The following ESAM variants were observed in gnomAD, a reference collection of about 807,000 sequenced individuals.
The protein encoded by ESAM is endothelial cell-selective adhesion molecule.
In ESAM, 23 loss-of-function variants were observed where a neutral mutation model predicts 31.8. That is an observed-to-expected ratio of 0.72 (90% CI 0.52 to 1.03). The LOEUF (loss-of-function observed/expected upper bound fraction) is 1.03, where lower values mean the gene tolerates loss of function less well. Ranked by LOEUF, ESAM falls within the 50% of genes least tolerant of loss-of-function variation. The pLI is 0.00. For missense variants in ESAM, 478 were observed against 488.9 expected, an observed-to-expected ratio of 0.98 and a Z score of 0.21; for synonymous variants, 216 against 207.2, an observed-to-expected ratio of 1.04 and a Z score of -0.37.
Position 124,758,539 on chromosome 11 carries a change from AG to A in ESAM, c.71-13del. 1.3e-6 allele frequency: 2 copies of A among 1,524,522 alleles called. No individual in the cohort carries two copies. The highest frequency in any genetic ancestry group is 1.8e-6 in the Non-Finnish European group (2 of 1,135,974). 94.4% of individuals were successfully genotyped at this position (1,524,522 alleles called of 1,614,324 possible). A position where few individuals can be genotyped will look rare whatever the true frequency, so the allele number is the denominator to read the frequency against. On this transcript the variant is annotated splice_polypyrimidine_tract_variant and intron_variant, in intron 1 of 6. Transcript: ENST00000278927. ...CCGCGAGGGGGGCGCTGGAGACAAG[AG>A]CGAGGCGTGAGTGCCCAGGACCGGC... is the stretch of plus-strand genomic sequence containing the variant.
At chr11:124,757,693 CTTTTT>C (rs5795429) in intron 2 of ESAM, among the ~76,000 whole-genome samples, 2 of 125,004 alleles carry the variant, frequency 1.6e-5, no homozygotes, top group Non-Finnish European at 1.7e-5. Context: ...AATATGCTAA[CTTTTT>C]TTTTTTTTTT....
Position 124,756,287 on chromosome 11 carries a change from G to T in ESAM, c.527C>A (p.Ser176Tyr), listed in dbSNP as rs1591428880. The T allele has an allele frequency of 6.2e-7, 1 of 1,613,964 alleles. No individual in the cohort carries two copies. Among genetic ancestry groups the T allele is most frequent in the South Asian group, 1.1e-5 (1 of 91,008 alleles). Reference protein sequence around the residue: ...VGANVTLSCQSPRSKPAVQYQ... With the variant: ...VGANVTLSCQYPRSKPAVQYQ... ...TTGGACAGCGGGCTTACTCCTTGGA[G>T]ACTGGCAGCTCAGGGTCACGTTTGC... The change falls in exon 4 of 7, where the codon TCT becomes TAT. Residue 176 changes from serine (S) to tyrosine (Y), a missense_variant. By Grantham distance (144) the Ser-to-Tyr change is moderately radical. Transcript: ENST00000278927.
intron 2 of ESAM, 197 bp from the exon 3 acceptor site, chr11:124,756,939 AGTTCTTC>A: frequency 3.3e-6 from 2 of 597,836 alleles, no homozygotes; most frequent in South Asian, 3.9e-5. Context: ...TCACCAGAAC[AGTTCTTC>A]GTTCCTGCGC....
rs773729066 is a variant in ESAM, at chr11:124,754,705, A to T, written c.666T>A (p.Tyr222Ter). ...TNLSSSMAGV[Y>*]VCKAHNEVGT... ...CCACCTCATTGTGGGCCTTGCAGACATAGACTCCAGCCATGGAAGACGAAA... is the reference window on the plus strand; with the variant it reads ...CCACCTCATTGTGGGCCTTGCAGACTTAGACTCCAGCCATGGAAGACGAAA... Residue 222 changes from tyrosine to a stop codon, truncating the protein, a stop_gained, in exon 5 of 7, where the codon TAT becomes TAA. Coordinates refer to ENST00000278927, the MANE Select transcript of ESAM (RefSeq NM_138961.3). LOFTEE classifies it high-confidence loss of function. The surrounding 1 kb of genome is among the most constrained non-coding windows in gnomAD (Gnocchi z 4.5). The T allele has an allele frequency of 1.2e-6, 2 of 1,614,104 alleles. No homozygotes were observed. Among genetic ancestry groups the T allele is most frequent in the East Asian group, 4.5e-5 (2 of 44,874 alleles).
chr11:124,754,785 C>G lies in ESAM; in HGVS notation c.608-22G>C. On this transcript the variant is annotated intron_variant, in intron 4 of 6. Coordinates refer to ENST00000278927, the MANE Select transcript of ESAM (RefSeq NM_138961.3). This position sits in a 1 kb window ranked among gnomAD's most constrained non-coding sequence, Gnocchi z 4.5. ...ACATCTGTGGACACAATTTAGCCAT[C>G]AGTCCAGGGACCCTCTTTCCCATTA... The G allele has an allele frequency of 6.2e-7, 1 of 1,601,910 alleles. No individual in the cohort carries two copies. Among genetic ancestry groups the G allele is most frequent in the Non-Finnish European group, 8.5e-7 (1 of 1,175,590 alleles).
At position 124,762,286 on chromosome 11, in the gene ESAM, A is replaced by G. The variant is rs1389338209; in HGVS notation, c.-132T>C. 2 of 631,026 alleles carry G rather than the reference A, an allele frequency of 3.2e-6. No homozygotes were observed. Among genetic ancestry groups the G allele is most frequent in the African/African-American group, 3.9e-5 (2 of 50,654 alleles). 39.1% of individuals were successfully genotyped at this position (631,026 alleles called of 1,614,324 possible). The stretch of plus-strand genomic sequence containing the variant: ...TGACACCCAGGGCGGCTCCAGCCCA[A>G]GTCTGCGCGCCTGTGTGCCGGTGGC... On this transcript the variant is annotated 5_prime_UTR_variant, in exon 1 of 7. Coordinates refer to ENST00000278927, the MANE Select transcript of ESAM (RefSeq NM_138961.3). This position sits in a 1 kb window ranked among gnomAD's most constrained non-coding sequence, Gnocchi z 6.4.
chr11:124,753,942 G>A lies in ESAM; in HGVS notation c.877C>T (p.Arg293Trp), dbSNP rs760488150. 1.6e-5 allele frequency: 26 copies of A among 1,613,396 alleles called. No individual in the cohort carries two copies. Among genetic ancestry groups the A allele is most frequent in the South Asian group, 4.4e-5 (4 of 90,912 alleles). The change falls in exon 7 of 7, where the codon CGG becomes TGG. Residue 293 changes from arginine (R) to tryptophan (W), a missense_variant. By Grantham distance (101) the Arg-to-Trp change is moderately radical. Coordinates refer to ENST00000278927, the MANE Select transcript of ESAM (RefSeq NM_138961.3). ...NDIKEDAIAPRTLPWPKSSDT... is the reference protein window; with the variant it reads ...NDIKEDAIAPWTLPWPKSSDT... ...GAGCTCTTGGGCCAGGGCAGGGTCCGGGGAGCAATGGCATCCTCCCTAGTC... is the reference window on the plus strand; with the variant it reads ...GAGCTCTTGGGCCAGGGCAGGGTCCAGGGAGCAATGGCATCCTCCCTAGTC...
chr11:124,753,941 C>G lies in ESAM; in HGVS notation c.878G>C (p.Arg293Pro), dbSNP rs759294805. Residue 293 changes from arginine to proline, a missense_variant, in exon 7 of 7, where the codon CGG (arginine) becomes CCG (proline). By Grantham distance (103) the Arg-to-Pro change is moderately radical. Coordinates refer to ENST00000278927, the MANE Select transcript of ESAM (RefSeq NM_138961.3). ...NDIKEDAIAP[R>P]TLPWPKSSDT... Reference sequence around the variant, plus strand: ...TGAGCTCTTGGGCCAGGGCAGGGTCCGGGGAGCAATGGCATCCTCCCTAGT... The same window carrying G: ...TGAGCTCTTGGGCCAGGGCAGGGTCGGGGGAGCAATGGCATCCTCCCTAGT... The G allele has an allele frequency of 1.2e-6, 2 of 1,613,588 alleles. No homozygotes were observed. The highest frequency in any genetic ancestry group is 1.7e-6 in the Non-Finnish European group (2 of 1,179,928).
chr11:124,754,017 G>GT lies in ESAM; in HGVS notation c.858-57dup, dbSNP rs1250033320. 1.8e-4 allele frequency: 287 copies of GT among 1,585,504 alleles called. 3 individuals carry two copies. The South Asian group carries it at 2.7e-3, about 15-fold the overall frequency. ...AAGTGGGTGGGGGAAGGAGGAGAGA[G>GT]TTTCTACCTGCTTGGTCTTATATAC... is the stretch of plus-strand genomic sequence containing the variant. On this transcript the variant is annotated intron_variant, in intron 6 of 6. Coordinates refer to ENST00000278927, the MANE Select transcript of ESAM (RefSeq NM_138961.3). The surrounding 1 kb of genome is among the most constrained non-coding windows in gnomAD (Gnocchi z 4.5).
rs749643399 is a variant in ESAM, at chr11:124,754,430, T to C, written c.731-90A>G. 4 of 1,537,666 alleles carry C rather than the reference T, an allele frequency of 2.6e-6. No individual in the cohort carries two copies. The highest frequency in any genetic ancestry group is 3.5e-6 in the Non-Finnish European group (4 of 1,140,986). On this transcript the variant is annotated intron_variant, in intron 5 of 6. Transcript: ENST00000278927. The surrounding 1 kb of genome is among the most constrained non-coding windows in gnomAD (Gnocchi z 4.5). ...ACTCTCCCCACCCCATCTGCCACCA[T>C]ACACATTCCCTCTTTTTCCCTGTCA...
Position 124,754,491 on chromosome 11 carries a change from T to C in ESAM, c.730+150A>G. 6.7e-7 allele frequency: 1 copy of C among 1,501,506 alleles called. No homozygotes were observed. Among genetic ancestry groups the C allele is most frequent in the Non-Finnish European group, 9.0e-7 (1 of 1,116,658 alleles). The allele number at this position is 1,501,506 out of a possible 1,614,324, so 93.0% of individuals were successfully genotyped here. On this transcript the variant is annotated intron_variant, in intron 5 of 6. Coordinates refer to ENST00000278927, the MANE Select transcript of ESAM (RefSeq NM_138961.3). This position sits in a 1 kb window ranked among gnomAD's most constrained non-coding sequence, Gnocchi z 4.5. ...TGGCTGTTGAGCAGGAAATGACCAG[T>C]CACTGACCAACCATTTGTACAAACA...
In ESAM at chr11:124,756,585, T is replaced by A; in HGVS notation, c.407A>T (p.Lys136Ile). The change falls in exon 3 of 7, where the codon AAA (lysine) becomes ATA (isoleucine). Residue 136 changes from lysine (K) to isoleucine (I), a missense_variant. By Grantham distance (102) the Lys-to-Ile change is moderately radical. Transcript: ENST00000278927. ...GGTTTTGATGCTGTGGCCCCTAGAT[T>A]TGCCTTGTTTGTCTTGCACATTCAC... ...CSVNVQDKQG[K>I]SRGHSIKTLE... 6.2e-7 allele frequency: 1 copy of A among 1,614,114 alleles called. No individual in the cohort carries two copies. Among genetic ancestry groups the A allele is most frequent in the Non-Finnish European group, 8.5e-7 (1 of 1,180,016 alleles).
At chr11:124,761,347 CCAAA>C (rs900503089) in intron 1 of ESAM, among the ~76,000 whole-genome samples, 1 of 152,180 alleles carries the variant, frequency 6.6e-6, no homozygotes, top group Non-Finnish European at 1.5e-5. Flanking sequence ...ACAACACTTC[CCAAA>C]CACTTGCTCC....
rs1944130744 is a variant in ESAM, at chr11:124,754,419, A to C, written c.731-79T>G. On this transcript the variant is annotated intron_variant, in intron 5 of 6. Transcript: ENST00000278927. This position sits in a 1 kb window ranked among gnomAD's most constrained non-coding sequence, Gnocchi z 4.5. ...TCTCCAATCCCACTCTCCCCACCCC[A>C]TCTGCCACCATACACATTCCCTCTT... is the stretch of plus-strand genomic sequence containing the variant. 3.2e-6 allele frequency: 5 copies of C among 1,553,966 alleles called. No individual in the cohort carries two copies. The East Asian group carries it at 1.1e-4, about 35-fold the overall frequency.
At position 124,754,036 on chromosome 11, in the gene ESAM, T is replaced by C; in HGVS notation, c.858-75A>G. On this transcript the variant is annotated intron_variant, in intron 6 of 6. Transcript: ENST00000278927. The surrounding 1 kb of genome is among the most constrained non-coding windows in gnomAD (Gnocchi z 4.5). ...GAGAGAGTTTCTACCTGCTTGGTCT[T>C]ATATACCACCTCTGCCTGCACACTT... The C allele has an allele frequency of 6.4e-7, 1 of 1,574,290 alleles. No homozygotes were observed. The highest frequency in any genetic ancestry group is 8.6e-7 in the Non-Finnish European group (1 of 1,156,242).
In ESAM at chr11:124,756,603, A is replaced by G. The variant is rs1944158294; in HGVS notation, c.389T>C (p.Val130Ala). ...CCTAGATTTGCCTTGTTTGTCTTGC[A>G]CATTCACGGAGCAGCTGTAGGGGCC... ...DSGPYSCSVN[V>A]QDKQGKSRGH... The change falls in exon 3 of 7, where the codon GTG (valine) becomes GCG (alanine). Residue 130 changes from valine to alanine, a missense_variant. By Grantham distance (64) the Val-to-Ala change is moderately conservative (BLOSUM62 0). Transcript: ENST00000278927. 1 of 1,614,110 alleles carries G rather than the reference A, an allele frequency of 6.2e-7. No individual in the cohort carries two copies. The highest frequency in any genetic ancestry group is 1.7e-5 in the Admixed American group (1 of 60,018).
chr11:124,753,971 A>G lies in ESAM; in HGVS notation c.858-10T>C, dbSNP rs773331829. The G allele has an allele frequency of 6.8e-6, 11 of 1,612,218 alleles. No individual in the cohort carries two copies. The African/African-American group carries it at 1.2e-4, about 18-fold the overall frequency. The stretch of plus-strand genomic sequence containing the variant: ...AGCAATGGCATCCTCCCTAGTCATC[A>G]AAGAAATAACAAGAGGTCAGAAGTG... On this transcript the variant is annotated splice_polypyrimidine_tract_variant and intron_variant, in intron 6 of 6. Transcript: ENST00000278927.
chr11:124,760,216 C>G (rs7110908), intron 1 of ESAM, among the ~76,000 whole-genome samples: 8,761 of 152,332 alleles, frequency 0.058, 837 homozygotes, highest in African/African-American at 0.2. Context: ...TTTCTGCTCT[C>G]CCTCCTGGGT....
rs1169167550 is a variant in ESAM, at chr11:124,756,532, C to A, written c.451+9G>T. On this transcript the variant is annotated intron_variant, in intron 3 of 6. Transcript: ENST00000278927. ...TGGGGAGGGGTCCGGAAATCTGCTT[C>A]TCACTCACCCAGTACATTGAGTTCT... 1 of 1,612,984 alleles carries A rather than the reference C, an allele frequency of 6.2e-7. No individual in the cohort carries two copies. Among genetic ancestry groups the A allele is most frequent in the Non-Finnish European group, 8.5e-7 (1 of 1,179,146 alleles).
Sources: allele counts gnomAD v4.1 joint callset (sites outside exome capture counted in the v4.1 genomes callset), GRCh38; gene constraint gnomAD v4.1.1; non-coding constraint Gnocchi (gnomAD v3.1); transcripts MANE v1.5; gene names NCBI Gene and HGNC (gene_info 2026-07-23, HGNC 2026-07-21).